The following POLQ variants were observed in gnomAD, a reference collection of about 807,000 sequenced individuals.
POLQ encodes DNA polymerase theta.
Under a neutral mutation model 259.2 loss-of-function variants are expected in POLQ, and 233 were observed. The observed-to-expected ratio is 0.90, with a 90% CI of 0.81 to 1.00. The LOEUF is 1.00. Among genes scored for constraint, POLQ ranks in the 50% least tolerant of loss-of-function variants. The pLI is 0.00. For synonymous variants in POLQ, 1,025 were observed against 1,048.8 expected (o/e 0.98, Z 0.44); for missense variants, 2,871 against 3,051.6 (o/e 0.94, Z 1.39).
Position 121,488,292 on chromosome 3 carries a change from G to A in POLQ, c.4639C>T (p.Gln1547Ter), listed in dbSNP as rs778911148. The A allele has an allele frequency of 3.2e-5, 51 of 1,612,234 alleles. No homozygotes were observed. Among genetic ancestry groups the A allele is most frequent in the Non-Finnish European group, 4.1e-5 (48 of 1,179,176 alleles). ...NVNENQDTHQ[Q>*]LTCSNDESII... ...GATTCATCATTGGAACAAGTCAACTGCTGGTGGGTATCTTGATTCTCATTT... is the reference window on the plus strand; with the variant it reads ...GATTCATCATTGGAACAAGTCAACTACTGGTGGGTATCTTGATTCTCATTT... Residue 1547 changes from glutamine to a stop codon, truncating the protein, a stop_gained, in exon 16 of 30, where the codon CAG (glutamine) becomes TAG (stop). Coordinates refer to ENST00000264233, the MANE Select transcript of POLQ (RefSeq NM_199420.4). LOFTEE classifies it high-confidence loss of function.
intron 28 of POLQ, among the ~76,000 whole-genome samples, chr3:121,435,909 CCT>C (rs1228782800): frequency 2.0e-5 from 3 of 151,948 alleles, no homozygotes; most frequent in Non-Finnish European, 4.4e-5. Context: ...TTTAAAATTC[CCT>C]GTTTTAATTT....
chr3:121,539,537 G>A lies in POLQ; in HGVS notation c.527C>T (p.Ser176Phe), dbSNP rs778934222. 4 of 1,612,262 alleles carry A rather than the reference G, an allele frequency of 2.5e-6. No homozygotes were observed. The highest frequency in any genetic ancestry group is 3.4e-6 in the Non-Finnish European group (4 of 1,178,314). The change falls in exon 4 of 30, where the codon TCT becomes TTT. Residue 176 changes from serine (S) to phenylalanine (F), a missense_variant. This residue lies in a region of POLQ where 783 missense variants were observed against 906.2 expected (regional missense o/e 0.86). Coordinates refer to ENST00000264233, the MANE Select transcript of POLQ (RefSeq NM_199420.4). Reference sequence around the variant, plus strand: ...CAATGAAGAGAAATGCCTTGATGGAGAGGTGCTGCCCATATAACCGTCTAC... The same window carrying A: ...CAATGAAGAGAAATGCCTTGATGGAAAGGTGCTGCCCATATAACCGTCTAC... Reference protein sequence around the residue: ...IKVDGYMGSTSPSRHFSSLDI... With the variant: ...IKVDGYMGSTFPSRHFSSLDI...
intron 25 of POLQ, 81 bp downstream of exon 25, chr3:121,459,969 G>T (rs983637544): frequency 7.6e-6 from 8 of 1,047,686 alleles, no homozygotes; most frequent in Non-Finnish European, 1.2e-5. Context: ...TTTCTCAGCT[G>T]CAAATAATTG....
At chr3:121,534,252 T>C (rs2048434646) in intron 5 of POLQ, among the ~76,000 whole-genome samples, 1 of 152,062 alleles carries the variant, frequency 6.6e-6, no homozygotes, top group Admixed American at 6.5e-5. Flanking sequence ...GTAGAATTTT[T>C]AAATGTCTGG....
intron 16 of POLQ, among the ~76,000 whole-genome samples, chr3:121,486,921 G>GA (rs370354976): frequency 3.7e-5 from 5 of 136,754 alleles, no homozygotes; most frequent in East Asian, 4.5e-4. Context: ...GAGAGAGAGA[G>GA]AAAGAAAAGA....
chr3:121,501,149 A>G (rs2048164419), intron 12 of POLQ, among the ~76,000 whole-genome samples: 1 of 151,514 alleles, frequency 6.6e-6, no homozygotes, highest in South Asian at 2.1e-4. Context: ...TTTTTCTGGT[A>G]AAGACAGAGT....
Position 121,545,976 on chromosome 3 carries a change from A to C in POLQ, c.-99T>G, listed in dbSNP as rs776516328. ...CAACAGCTGCGGACATCTTCCCGCCAGTCTTCAAACTCAAACCTCCCGGCC... is the reference window on the plus strand; with the variant it reads ...CAACAGCTGCGGACATCTTCCCGCCCGTCTTCAAACTCAAACCTCCCGGCC... On this transcript the variant is annotated 5_prime_UTR_variant, in exon 1 of 30. Coordinates refer to ENST00000264233, the MANE Select transcript of POLQ (RefSeq NM_199420.4). 3.4e-6 allele frequency: 5 copies of C among 1,450,800 alleles called. No individual in the cohort carries two copies. The East Asian group carries it at 1.2e-4, about 34-fold the overall frequency. The allele number at this position is 1,450,800 out of a possible 1,614,324, so 89.9% of individuals were successfully genotyped here. A position where few individuals can be genotyped will look rare whatever the true frequency, so the allele number is the denominator to read the frequency against.
At chr3:121,437,109 C>T (rs773584528) in intron 27 of POLQ, among the ~76,000 whole-genome samples, 3 of 152,062 alleles carry the variant, frequency 2.0e-5, no homozygotes, top group Non-Finnish European at 4.4e-5. Flanking sequence ...TATTAAATGC[C>T]TGTAATCTCA....
At chr3:121,474,056 G>A (rs905992338) in intron 20 of POLQ, among the ~76,000 whole-genome samples, 3 of 152,144 alleles carry the variant, frequency 2.0e-5, no homozygotes, top group Admixed American at 6.6e-5. Context: ...ACACAGGCAC[G>A]TATATACACT....
chr3:121,529,827 C>T, intron 6 of POLQ, 35 bp from the exon 7 acceptor site: 1 of 1,522,658 alleles, frequency 6.6e-7, no homozygotes. Context: ...CTTTAGTGGT[C>T]CTTTCAAAAG....
chr3:121,535,283 A>G (rs2048442073), intron 5 of POLQ, among the ~76,000 whole-genome samples: 1 of 152,356 alleles, frequency 6.6e-6, no homozygotes, highest in South Asian at 2.1e-4. Flanking sequence ...ATTCCCAGAC[A>G]GAATTTAAAA....
At chr3:121,507,310 G>C (rs1014566123) in intron 12 of POLQ, among the ~76,000 whole-genome samples, 4 of 152,192 alleles carry the variant, frequency 2.6e-5, no homozygotes, top group African/African-American at 9.7e-5. Context: ...CTTTGAGCTA[G>C]GGGTCAAGGC....
intron 15 of POLQ, among the ~76,000 whole-genome samples, chr3:121,491,743 G>C (rs1045453590): frequency 6.6e-6 from 1 of 152,152 alleles, no homozygotes; most frequent in Admixed American, 6.5e-5. Flanking sequence ...TCTAAACCGT[G>C]CAAGTGTGGA....
chr3:121,487,744 A>G lies in POLQ; in HGVS notation c.5187T>C (p.Val1729=). The G allele has an allele frequency of 6.2e-7, 1 of 1,613,458 alleles. No homozygotes were observed. The part of the protein sequence containing the change: ...SLLPRKESNI[V]DDNGLIPPTP... ...TAGGAGGAATGAGACCATTATCATCAACTATATTACTTTCTTTACGAGGTA... is the reference window on the plus strand; with the variant it reads ...TAGGAGGAATGAGACCATTATCATCGACTATATTACTTTCTTTACGAGGTA... The change falls in exon 16 of 30, where the codon GTT becomes GTC. Residue 1729 remains valine, a synonymous_variant. Transcript: ENST00000264233.
At chr3:121,498,345 A>G (rs569234601) in intron 13 of POLQ, 132 bp downstream of exon 13, 2 of 564,804 alleles carry the variant, frequency 3.5e-6, no homozygotes, top group African/African-American at 3.9e-5. Flanking sequence ...AAAAAAAAGA[A>G]AACTGAAAAA....
At chr3:121,477,291 T>G (rs1424307906) in intron 19 of POLQ, among the ~76,000 whole-genome samples, 1 of 152,226 alleles carries the variant, frequency 6.6e-6, no homozygotes, top group Non-Finnish European at 1.5e-5. Flanking sequence ...ACTGAGACAG[T>G]GATACCTTTG....
At position 121,476,734 on chromosome 3, in the gene POLQ, C is replaced by T. The variant is rs1279932077; in HGVS notation, c.6212-1G>A. ...GGCATTTCCACCTTACGGAAAACAT[C>T]TGGAAGAAAAAAGAAAATTAAAACG... On this transcript the variant is annotated splice_acceptor_variant, in intron 19 of 29. Transcript: ENST00000264233. LOFTEE classifies it high-confidence loss of function. 6.3e-7 allele frequency: 1 copy of T among 1,595,148 alleles called. No homozygotes were observed. The highest frequency in any genetic ancestry group is 8.5e-7 in the Non-Finnish European group (1 of 1,172,396).
intron 25 of POLQ, among the ~76,000 whole-genome samples, chr3:121,453,055 G>A (rs995881902): frequency 2.6e-5 from 4 of 152,252 alleles, no homozygotes; most frequent in Middle Eastern, 3.4e-3. Flanking sequence ...CCAGAGGAAC[G>A]ATCAGACAGC....
chr3:121,468,192 G>T, intron 23 of POLQ, 113 bp downstream of exon 23: 1 of 837,834 alleles, frequency 1.2e-6, no homozygotes, highest in Non-Finnish European at 1.8e-6. Context: ...ACAGAAATGG[G>T]TATGTCTGAA....
Sources: gnomAD v4.1 joint callset for allele counts (sites outside exome capture counted in the v4.1 genomes callset) on GRCh38, gnomAD v4.1.1 for gene constraint, gnomAD v4.1.1 regional missense constraint, MANE v1.5 for transcripts, NCBI Gene and HGNC (gene_info 2026-07-23, HGNC 2026-07-21) for gene names.